Variants in CDH13 observed in about 807,000 individuals in gnomAD.
The protein encoded by CDH13 is cadherin 13.
A neutral mutation model predicts 63.8 loss-of-function variants in CDH13; 24 were observed. The ratio of observed to expected loss-of-function variants is 0.38; its 90% CI spans 0.27 to 0.53. CDH13 has a LOEUF of 0.53. Ranked by LOEUF, CDH13 falls within the 20% of genes least tolerant of loss-of-function variation. CDH13 has a pLI of 0.85. For synonymous variants in CDH13, 503 were observed against 355.3 expected, an observed-to-expected ratio of 1.42 and a Z score of -4.67; for missense variants, 1,049 against 903.1, an observed-to-expected ratio of 1.16 and a Z score of -2.07.
chr16:82,739,448 A>G (rs1457185789), intron 1 of CDH13, among the ~76,000 whole-genome samples: 1 of 152,210 alleles, frequency 6.6e-6, no homozygotes, highest in African/African-American at 2.4e-5. Context: ...CTCATGAAAT[A>G]TGCTTTAGTT....
intron 8 of CDH13, among the ~76,000 whole-genome samples, chr16:83,658,138 T>G (rs1419345343): frequency 1.3e-5 from 1 of 78,402 alleles, no homozygotes; most frequent in African/African-American, 5.2e-5. Flanking sequence ...CAGCAAGGTC[T>G]CATGTCCTCA....
chr16:83,006,905 TTTG>T (rs1192719341), intron 2 of CDH13, among the ~76,000 whole-genome samples: 3 of 125,532 alleles, frequency 2.4e-5, no homozygotes, highest in South Asian at 2.4e-4. Flanking sequence ...TTTGATTTTT[TTTG>T]TTTGTTTGTT....
At chr16:83,244,395 A>G (rs1047397457) in intron 5 of CDH13, among the ~76,000 whole-genome samples, 3 of 152,190 alleles carry the variant, frequency 2.0e-5, no homozygotes, top group Non-Finnish European at 2.9e-5. Flanking sequence ...TCTATTTCCC[A>G]TAAGTTTATC....
chr16:83,749,641 T>C (rs1912912250), intron 11 of CDH13, among the ~76,000 whole-genome samples: 2 of 152,156 alleles, frequency 1.3e-5, no homozygotes. Flanking sequence ...AAATATCAGG[T>C]AGACAATGTT....
intron 1 of CDH13, among the ~76,000 whole-genome samples, chr16:82,737,892 T>C (rs1466407579): frequency 6.6e-6 from 1 of 152,226 alleles, no homozygotes; most frequent in Non-Finnish European, 1.5e-5. Flanking sequence ...AACCATCAGC[T>C]TCATAATCAA....
At chr16:82,943,105 C>A (rs1026770721) in intron 2 of CDH13, among the ~76,000 whole-genome samples, 1 of 152,132 alleles carries the variant, frequency 6.6e-6, no homozygotes, top group East Asian at 1.9e-4. Context: ...ACTTTGGAAT[C>A]GTATACATTT....
intron 2 of CDH13, among the ~76,000 whole-genome samples, chr16:82,995,659 C>T (rs940284747): frequency 2.0e-5 from 3 of 152,066 alleles, no homozygotes; most frequent in South Asian, 4.2e-4. Flanking sequence ...CATGGTGTAT[C>T]GTAAAAACAC....
At chr16:83,484,411 T>C (rs191811204) in intron 6 of CDH13, among the ~76,000 whole-genome samples, 2 of 152,354 alleles carry the variant, frequency 1.3e-5, no homozygotes, top group Admixed American at 6.5e-5. Context: ...ATGGGCCTTA[T>C]ATTTGTAGAA....
chr16:83,001,463 A>C (rs1341920774), intron 2 of CDH13, among the ~76,000 whole-genome samples: 2 of 152,252 alleles, frequency 1.3e-5, no homozygotes, highest in African/African-American at 4.8e-5. Flanking sequence ...ATGGGCCAGT[A>C]TTCAAAATGC....
intron 2 of CDH13, among the ~76,000 whole-genome samples, chr16:82,998,243 T>A (rs1912467599): frequency 6.6e-6 from 1 of 152,200 alleles, no homozygotes; most frequent in South Asian, 2.1e-4. Flanking sequence ...TAAAACGCAT[T>A]AATGCATTGA....
intron 3 of CDH13, among the ~76,000 whole-genome samples, chr16:83,048,259 G>C (rs567294591): frequency 6.6e-5 from 10 of 152,258 alleles, no homozygotes; most frequent in Non-Finnish European, 1.2e-4. Context: ...GTTTTGAAAA[G>C]AACTCAAGCA....
chr16:83,354,401 G>C (rs546032670), intron 6 of CDH13, among the ~76,000 whole-genome samples: 1 of 152,030 alleles, frequency 6.6e-6, no homozygotes, highest in African/African-American at 2.4e-5. Flanking sequence ...AGTATTTATC[G>C]GGCAGTTTCT....
intron 1 of CDH13, among the ~76,000 whole-genome samples, chr16:82,793,836 C>T (rs190683629): frequency 2.0e-5 from 3 of 152,182 alleles, no homozygotes; most frequent in South Asian, 2.1e-4. Context: ...ACACTTGAAG[C>T]AGGAAGATGG....
intron 1 of CDH13, among the ~76,000 whole-genome samples, chr16:82,818,692 CAA>C (rs377514948): frequency 1.4e-4 from 21 of 151,798 alleles, no homozygotes; most frequent in African/African-American, 5.1e-4. Flanking sequence ...GGGCATTTTC[CAA>C]AAAAAAGGCA....
chr16:83,115,873 C>G (rs2035270194), intron 3 of CDH13, among the ~76,000 whole-genome samples: 1 of 152,188 alleles, frequency 6.6e-6, no homozygotes, highest in Non-Finnish European at 1.5e-5. Context: ...TCCAGGAGGG[C>G]AGAAAGAGGG....
At chr16:82,837,691 C>G (rs2038827371) in intron 1 of CDH13, among the ~76,000 whole-genome samples, 1 of 152,212 alleles carries the variant, frequency 6.6e-6, no homozygotes, top group African/African-American at 2.4e-5. Context: ...ACGAGGGAAG[C>G]TCACTGGAGG....
At chr16:83,634,117 C>CTGTGTGTGTGTGTG (rs1491184759) in intron 8 of CDH13, among the ~76,000 whole-genome samples, 1 of 77,010 alleles carries the variant, frequency 1.3e-5, no homozygotes, top group African/African-American at 4.8e-5. Flanking sequence ...TGTGTGTTTT[C>CTGTGTGTGTGTGTG]TGTGTGTGTG....
intron 5 of CDH13, among the ~76,000 whole-genome samples, chr16:83,266,228 C>G (rs1014381256): frequency 6.6e-6 from 1 of 152,050 alleles, no homozygotes; most frequent in African/African-American, 2.4e-5. Flanking sequence ...AGAAGTCACT[C>G]TCACACACAT....
intron 1 of CDH13, among the ~76,000 whole-genome samples, chr16:82,856,693 CAAAAAAAAAAAAAA>C (rs56106728): frequency 3.4e-4 from 17 of 49,554 alleles, no homozygotes; most frequent in Admixed American, 7.8e-4. Context: ...GACTCGGTCT[CAAAAAAAAAAAAAA>C]AAAAAAAAAA....
Sources: gnomAD v4.1 joint callset for allele counts (sites outside exome capture counted in the v4.1 genomes callset) on GRCh38, gnomAD v4.1.1 for gene constraint, MANE v1.5 for transcripts, NCBI Gene and HGNC (gene_info 2026-07-23, HGNC 2026-07-21) for gene names.